GNA13: variants seen among roughly 807,000 people sequenced by gnomAD.
GNA13 encodes guanine nucleotide-binding protein subunit alpha-13.
Under a neutral mutation model 33.5 loss-of-function variants are expected in GNA13, and 4 were observed. That is an observed-to-expected ratio of 0.12 (90% CI 0.06 to 0.27). The LOEUF (loss-of-function observed/expected upper bound fraction) is 0.27. Among genes scored for constraint, GNA13 ranks in the 10% least tolerant of loss-of-function variants. GNA13 has a pLI of 1.00. For missense variants in GNA13, 319 were observed against 487.2 expected (o/e 0.65, Z 3.25); for synonymous variants, 176 against 183.8 (o/e 0.96, Z 0.34).
At chr17:65,029,358 T>G (rs573868437) in intron 2 of GNA13, among the ~76,000 whole-genome samples, 1 of 152,202 alleles carries the variant, frequency 6.6e-6, no homozygotes, top group East Asian at 1.9e-4. Context: ...TGCTTCCACC[T>G]CTCCTTCTGG....
chr17:65,018,092 TAAAAAAAAAA>T (rs767082596), intron 3 of GNA13, among the ~76,000 whole-genome samples, 151 bp downstream of exon 3: 332 of 21,470 alleles, frequency 0.015, 6 homozygotes, highest in Non-Finnish European at 0.02. Context: ...ACGCCACCAC[TAAAAAAAAAA>T]AAAAAAAAAA....
intron 2 of GNA13, among the ~76,000 whole-genome samples, chr17:65,040,143 G>A (rs970924732): frequency 1.3e-5 from 2 of 149,524 alleles, no homozygotes; most frequent in Non-Finnish European, 1.5e-5. Flanking sequence ...TGTACAACAA[G>A]GGGAACCTTG....
Position 65,014,628 on chromosome 17 carries a change from C to T in GNA13, c.763G>A (p.Val255Met), listed in dbSNP as rs1480664885. 2 of 1,614,062 alleles carry T rather than the reference C, an allele frequency of 1.2e-6. No homozygotes were observed. Among genetic ancestry groups the T allele is most frequent in the South Asian group, 2.2e-5 (2 of 91,074 alleles). Residue 255 changes from valine to methionine, a missense_variant, in exon 4 of 4, where the codon GTG becomes ATG. Physicochemically the swap from Val to Met is conservative, Grantham distance 21. Coordinates refer to ENST00000439174, the MANE Select transcript of GNA13 (RefSeq NM_006572.6). This position sits in a 1 kb window ranked among gnomAD's most constrained non-coding sequence, Gnocchi z 5.3. Reference sequence around the variant, plus strand: ...TTGGTCAGTCGATCTTCCATAAGCACCTGGTCAAATTCACTTGAGGAAACA... The same window carrying T: ...TTGGTCAGTCGATCTTCCATAAGCATCTGGTCAAATTCACTTGAGGAAACA... The part of the protein sequence containing the change: ...FLVSSSEFDQ[V>M]LMEDRLTNRL...
At chr17:65,029,231 A>G (rs966533448) in intron 2 of GNA13, among the ~76,000 whole-genome samples, 10 of 152,218 alleles carry the variant, frequency 6.6e-5, no homozygotes, top group African/African-American at 2.4e-4. Context: ...ACTATCTCCA[A>G]CATTATCTCC....
chr17:65,044,942 C>T (rs1453495936), intron 2 of GNA13, among the ~76,000 whole-genome samples: 3 of 150,212 alleles, frequency 2.0e-5, no homozygotes, highest in Non-Finnish European at 3.0e-5. Context: ...ACTCGGGAGG[C>T]TGAGGCAGGA....
At chr17:65,037,278 A>C (rs1384545738) in intron 2 of GNA13, among the ~76,000 whole-genome samples, 2 of 152,182 alleles carry the variant, frequency 1.3e-5, no homozygotes, top group Non-Finnish European at 2.9e-5. Context: ...CAACTTACTA[A>C]GCCAGAGGGT....
At chr17:65,054,563 G>T (rs997106027) in intron 1 of GNA13, among the ~76,000 whole-genome samples, 3 of 152,106 alleles carry the variant, frequency 2.0e-5, no homozygotes, top group Non-Finnish European at 1.5e-5. Flanking sequence ...CTCCCACTTT[G>T]GCCTCCCAAA....
At chr17:65,029,668 C>T (rs1307410458) in intron 2 of GNA13, among the ~76,000 whole-genome samples, 1 of 152,180 alleles carries the variant, frequency 6.6e-6, no homozygotes, top group Non-Finnish European at 1.5e-5. Context: ...TGTAGTCCTA[C>T]ATGTCAAATT....
intron 2 of GNA13, among the ~76,000 whole-genome samples, chr17:65,029,697 G>C (rs1340116923): frequency 3.9e-5 from 6 of 151,996 alleles, no homozygotes; most frequent in African/African-American, 1.4e-4. Context: ...AAATCTCTTT[G>C]CTACACCTCC....
intron 2 of GNA13, among the ~76,000 whole-genome samples, chr17:65,032,129 CAT>C (rs1907070516): frequency 6.9e-6 from 1 of 145,608 alleles, no homozygotes; most frequent in Non-Finnish European, 1.6e-5. Flanking sequence ...CATGTACTTA[CAT>C]AAAGTTTTCA....
intron 2 of GNA13, among the ~76,000 whole-genome samples, chr17:65,040,301 C>A (rs566796697): frequency 6.6e-6 from 1 of 152,152 alleles, no homozygotes; most frequent in Non-Finnish European, 1.5e-5. Flanking sequence ...TGTATATTAT[C>A]TTTATGGCAA....
chr17:65,039,732 T>C (rs1020065842), intron 2 of GNA13, among the ~76,000 whole-genome samples: 1 of 152,256 alleles, frequency 6.6e-6, no homozygotes, highest in Non-Finnish European at 1.5e-5. Flanking sequence ...CATATTTGTT[T>C]GCATATTTCA....
intron 2 of GNA13, among the ~76,000 whole-genome samples, chr17:65,045,359 A>C (rs1305656935): frequency 6.6e-6 from 1 of 152,064 alleles, no homozygotes; most frequent in Non-Finnish European, 1.5e-5. Flanking sequence ...ATCTCTACTA[A>C]AAATACAAAA....
chr17:65,017,760 T>G (rs534122815), intron 3 of GNA13, among the ~76,000 whole-genome samples: 1 of 152,114 alleles, frequency 6.6e-6, no homozygotes, highest in Admixed American at 6.5e-5. Flanking sequence ...AATTCGAAAA[T>G]GTCATTTGTC....
In GNA13 at chr17:65,018,284, A is replaced by T; in HGVS notation, c.530T>A (p.Phe177Tyr). The change falls in exon 3 of 4, where the codon TTC becomes TAC. Residue 177 changes from phenylalanine to tyrosine, a missense_variant. This residue lies in a region of GNA13 where 136 missense variants were observed against 159.3 expected (regional missense o/e 0.85). Transcript: ENST00000439174. ...TCCAAGTTTATCCAAGTTATCCAGG[A>T]AATATTTTACAGATTCACCCTAAAA... is the stretch of plus-strand genomic sequence containing the variant. ...EFQLGESVKY[F>Y]LDNLDKLGEP... 6.6e-7 allele frequency: 1 copy of T among 1,523,720 alleles called. No individual in the cohort carries two copies. Among genetic ancestry groups the T allele is most frequent in the Non-Finnish European group, 9.1e-7 (1 of 1,097,794 alleles). The allele number at this position is 1,523,720 out of a possible 1,614,324, so 94.4% of individuals were successfully genotyped here. A position where few individuals can be genotyped will look rare whatever the true frequency, so the allele number is the denominator to read the frequency against.
At position 65,056,462 on chromosome 17, in the gene GNA13, A is replaced by G. The variant is rs756861805; in HGVS notation, c.132T>C (p.Tyr44=). The change falls in exon 1 of 4, where the codon TAT becomes TAC. Residue 44 remains tyrosine (Y), a synonymous_variant. Transcript: ENST00000439174. ...IDKCLSREKT[Y]VKRLVKILLL... is the part of the protein sequence containing the mutation. ...GCAGGATCTTCACCAGCCGCTTCACATAGGTCTTTTCCCGAGACAGGCATT... is the reference window on the plus strand; with the variant it reads ...GCAGGATCTTCACCAGCCGCTTCACGTAGGTCTTTTCCCGAGACAGGCATT... 7.4e-6 allele frequency: 12 copies of G among 1,613,734 alleles called. No homozygotes were observed. The highest frequency in any genetic ancestry group is 8.5e-6 in the Non-Finnish European group (10 of 1,179,866).
intron 3 of GNA13, 123 bp downstream of exon 3, chr17:65,018,130 A>AAAG: frequency 4.5e-6 from 1 of 222,240 alleles, no homozygotes; most frequent in East Asian, 1.7e-4. Flanking sequence ...AAAAAAAAAA[A>AAAG]AAAAAAAAAG....
chr17:65,014,388 G>A lies in GNA13; in HGVS notation c.1003C>T (p.Arg335Trp), dbSNP rs1428893998. Residue 335 changes from arginine to tryptophan, a missense_variant, in exon 4 of 4, where the codon CGG becomes TGG. Around this residue, in one of 4 missense-constraint regions of GNA13, gnomAD observed 134 missense variants for 241.3 expected, o/e 0.56. Coordinates refer to ENST00000439174, the MANE Select transcript of GNA13 (RefSeq NM_006572.6). This position sits in a 1 kb window ranked among gnomAD's most constrained non-coding sequence, Gnocchi z 5.3. ...FLVECFRNKR[R>W]DQQQKPLYHH... ...TATAAGGGCTTCTGTTGCTGGTCCC[G>A]GCGTTTGTTCCGGAAACATTCCACC... 1 of 1,613,978 alleles carries A rather than the reference G, an allele frequency of 6.2e-7. No individual in the cohort carries two copies. The highest frequency in any genetic ancestry group is 8.5e-7 in the Non-Finnish European group (1 of 1,179,936).
At chr17:65,055,801 A>C (rs1908029728) in intron 1 of GNA13, 2 of 981,388 alleles carry the variant, frequency 2.0e-6, no homozygotes, top group African/African-American at 1.7e-5. Context: ...TCGCTTGCTT[A>C]GGAGACGGCC....
Sources: gnomAD v4.1 joint callset for allele counts (sites outside exome capture counted in the v4.1 genomes callset) on GRCh38, gnomAD v4.1.1 for gene constraint, gnomAD v4.1.1 regional missense constraint, Gnocchi (gnomAD v3.1) non-coding constraint, MANE v1.5 for transcripts, NCBI Gene and HGNC (gene_info 2026-07-23, HGNC 2026-07-21) for gene names.